Variants in FURIN observed in about 807,000 individuals in gnomAD.
The protein encoded by FURIN is FES upstream region.
A neutral mutation model predicts 89.2 loss-of-function variants in FURIN; 18 were observed. That is an observed-to-expected ratio of 0.20 (90% CI 0.14 to 0.30). The LOEUF is 0.30. FURIN is among the 10% of genes least tolerant of loss of function. The pLI, the probability that FURIN is intolerant of heterozygous loss-of-function variation, is 1.00. For synonymous variants in FURIN, 508 were observed against 466.4 expected, an observed-to-expected ratio of 1.09 and a Z score of -1.15; for missense variants, 879 against 1,100.5, an observed-to-expected ratio of 0.80 and a Z score of 2.85.
chr15:90,881,265 C>T lies in FURIN; in HGVS notation c.1793-21C>T, dbSNP rs752459333. The T allele has an allele frequency of 5.8e-6, 9 of 1,549,696 alleles. No individual in the cohort carries two copies. The South Asian group carries it at 5.8e-5, about 10-fold the overall frequency. On this transcript the variant is annotated intron_variant, in intron 15 of 15. Coordinates refer to ENST00000268171, the MANE Select transcript of FURIN (RefSeq NM_002569.4). The surrounding 1 kb of genome is among the most constrained non-coding windows in gnomAD (Gnocchi z 4.3). ...AGTCTGTTTAGCTGACACACACTTGCCCTCTCTCCCACGCCGGCAGTGTGC... is the reference window on the plus strand; with the variant it reads ...AGTCTGTTTAGCTGACACACACTTGTCCTCTCTCCCACGCCGGCAGTGTGC...
intron 1 of FURIN, among the ~76,000 whole-genome samples, chr15:90,875,307 G>T (rs1388294576): frequency 2.6e-5 from 4 of 152,104 alleles, no homozygotes; most frequent in African/African-American, 9.7e-5. Context: ...AGTGCTGGAT[G>T]ACAGAAGTGA....
Position 90,882,102 on chromosome 15 carries a change from G to A in FURIN, c.*224G>A. 1 of 542,624 alleles carries A rather than the reference G, an allele frequency of 1.8e-6. No homozygotes were observed. The highest frequency in any genetic ancestry group is 3.3e-6 in the Non-Finnish European group (1 of 305,614). The allele number at this position is 542,624 out of a possible 1,614,324, so 33.6% of individuals were successfully genotyped here. ...ACCCCACCCTCAGCACCCCTTCCAT[G>A]TGGAGAAAGGAGTGAAACCTTTAGG... On this transcript the variant is annotated 3_prime_UTR_variant, in exon 16 of 16. Coordinates refer to ENST00000268171, the MANE Select transcript of FURIN (RefSeq NM_002569.4).
chr15:90,869,125 T>C (rs79643085), intron 1 of FURIN, among the ~76,000 whole-genome samples: 18 of 152,266 alleles, frequency 1.2e-4, no homozygotes, highest in African/African-American at 3.4e-4. Context: ...AGCTGGACTC[T>C]TCCTCCCAGA....
At chr15:90,877,239 C>T (rs756761268) in intron 6 of FURIN, 28 bp downstream of exon 6, 2 of 1,516,430 alleles carry the variant, frequency 1.3e-6, no homozygotes, top group South Asian at 2.4e-5. Flanking sequence ...CCGGTCTCTG[C>T]CTCCCTTCTC....
chr15:90,879,394 C>T (rs1235144869), intron 9 of FURIN, 50 bp from the exon 10 acceptor site: 2 of 1,346,590 alleles, frequency 1.5e-6, no homozygotes, highest in East Asian at 4.6e-5. Context: ...GGTGGCTCCT[C>T]TAGCCCCCTC....
At chr15:90,875,062 A>G (rs942536533) in intron 1 of FURIN, among the ~76,000 whole-genome samples, 1 of 121,202 alleles carries the variant, frequency 8.3e-6, no homozygotes, top group African/African-American at 3.4e-5. Flanking sequence ...GAGAGGGAGT[A>G]TCGTTCTGTC....
rs1465581117 is a variant in FURIN, at chr15:90,876,004, T to C, written c.177+87T>C. ...AGCAGGAGCTGTTGGCCTTGTTTGC[T>C]CAGGGGCATCTGGGTAGCCGGCATG... On this transcript the variant is annotated intron_variant, in intron 2 of 15. Transcript: ENST00000268171. The surrounding 1 kb of genome is among the most constrained non-coding windows in gnomAD (Gnocchi z 5.0). 7.6e-6 allele frequency: 9 copies of C among 1,188,518 alleles called. No individual in the cohort carries two copies. Among genetic ancestry groups the C allele is most frequent in the Non-Finnish European group, 7.0e-6 (6 of 855,482 alleles). 73.6% of individuals were successfully genotyped at this position (1,188,518 alleles called of 1,614,324 possible).
rs181375223 is a variant in FURIN, at chr15:90,874,420, G to A, written c.-159-1162G>A. Among the ~76,000 whole-genome samples the A allele has an allele frequency of 6.0e-4, 92 of 152,358 alleles. 1 individual carries two copies. Among genetic ancestry groups the A allele is most frequent in the Admixed American group, 5.6e-3 (86 of 15,308 alleles). On this transcript the variant is annotated intron_variant, in intron 1 of 15. Transcript: ENST00000268171. ...AGGCCCAGGCAGGGCAGGGCTTGGC[G>A]GCCCCAGCGTTCCCCAGGAAACTGT...
At position 90,880,237 on chromosome 15, in the gene FURIN, G is replaced by C; in HGVS notation, c.1520G>C (p.Ser507Thr). 1 of 1,610,994 alleles carries C rather than the reference G, an allele frequency of 6.2e-7. No homozygotes were observed. The highest frequency in any genetic ancestry group is 8.5e-7 in the Non-Finnish European group (1 of 1,178,710). ...RRGDLAIHLV[S>T]PMGTRSTLLA... ...GGCGACCTGGCCATCCACCTGGTCA[G>C]CCCCATGGGCACCCGCTCCACCCTG... The change falls in exon 13 of 16, where the codon AGC becomes ACC. Residue 507 changes from serine to threonine, a missense_variant. Transcript: ENST00000268171.
At chr15:90,877,637 CCT>C in intron 7 of FURIN, 22 bp downstream of exon 7, 1 of 1,512,602 alleles carries the variant, frequency 6.6e-7, no homozygotes, top group East Asian at 2.5e-5. Flanking sequence ...CCTGGGCCAC[CCT>C]GTCTTCAGGA....
chr15:90,876,616 G>T lies in FURIN; in HGVS notation c.372+59G>T. On this transcript the variant is annotated intron_variant, in intron 4 of 15. Transcript: ENST00000268171. The surrounding 1 kb of genome is among the most constrained non-coding windows in gnomAD (Gnocchi z 5.0). Reference sequence around the variant, plus strand: ...CCCAGATGCACCATCCACCCACTATGAGCTCTTGGATGGAGGAGGCTGTCT... The same window carrying T: ...CCCAGATGCACCATCCACCCACTATTAGCTCTTGGATGGAGGAGGCTGTCT... The T allele has an allele frequency of 8.9e-7, 1 of 1,126,092 alleles. No homozygotes were observed. Among genetic ancestry groups the T allele is most frequent in the South Asian group, 1.3e-5 (1 of 79,622 alleles). The allele number at this position is 1,126,092 out of a possible 1,614,324, so 69.8% of individuals were successfully genotyped here. A position where few individuals can be genotyped will look rare whatever the true frequency, so the allele number is the denominator to read the frequency against.
intron 13 of FURIN, 112 bp downstream of exon 13, chr15:90,880,385 G>T: frequency 2.3e-6 from 2 of 859,824 alleles, no homozygotes; most frequent in Non-Finnish European, 3.5e-6. Flanking sequence ...ACTCAGTGGG[G>T]CACTCTTGGC....
rs772172985 is a variant in FURIN at position 90,879,785 on chromosome 15, G to C, written c.1258+11G>C. 3.8e-5 allele frequency: 62 copies of C among 1,611,810 alleles called. No homozygotes were observed. The highest frequency in any genetic ancestry group is 5.3e-5 in the Non-Finnish European group (62 of 1,178,464). On this transcript the variant is annotated intron_variant, in intron 11 of 15. Transcript: ENST00000268171. The stretch of plus-strand genomic sequence containing the variant: ...GTGTGGGCCGGAAAGGTGAGGGCAG[G>C]CTGGCCCGGCAGGCTGGATGTGGAG...
chr15:90,881,528 A>G lies in FURIN; in HGVS notation c.2035A>G (p.Ser679Gly). 6.2e-7 allele frequency: 1 copy of G among 1,611,430 alleles called. No homozygotes were observed. Among genetic ancestry groups the G allele is most frequent in the Non-Finnish European group, 8.5e-7 (1 of 1,179,556 alleles). ...TGTGGAGCAGACTTGCTCCCGGCAAAGCCAGAGCAGCCGAGAGTCCCCGCC... is the reference window on the plus strand; with the variant it reads ...TGTGGAGCAGACTTGCTCCCGGCAAGGCCAGAGCAGCCGAGAGTCCCCGCC... ...DPVEQTCSRQ[S>G]QSSRESPPQQ... The change falls in exon 16 of 16, where the codon AGC (serine) becomes GGC (glycine). Residue 679 changes from serine to glycine, a missense_variant. Ser to Gly is a moderately conservative substitution (Grantham distance 56). This residue lies in a region of FURIN where 457 missense variants were observed against 490.7 expected (regional missense o/e 0.93). Transcript: ENST00000268171. This position sits in a 1 kb window ranked among gnomAD's most constrained non-coding sequence, Gnocchi z 4.3.
In FURIN at chr15:90,880,831, G is replaced by C. The variant is rs1239716233; in HGVS notation, c.1681+16G>C. 6.2e-7 allele frequency: 1 copy of C among 1,612,318 alleles called. No individual in the cohort carries two copies. Among genetic ancestry groups the C allele is most frequent in the Admixed American group, 1.7e-5 (1 of 59,930 alleles). On this transcript the variant is annotated intron_variant, in intron 14 of 15. Transcript: ENST00000268171. ...AACAACTATGGTACTGGGGGCACTT[G>C]AGGGGTAGGGGTACGAGGTGGAGGG...
Position 90,877,530 on chromosome 15 carries a change from C to T in FURIN, c.582C>T (p.His194=), listed in dbSNP as rs141700126. ...PRYTQMNDNR[H]GTRCAGEVAA... ...GCTACGTGCTTGGCCCTGGCAGGCA[C>T]GGCACACGGTGTGCGGGGGAAGTGG... The change falls in exon 7 of 16, where the codon CAC becomes CAT. Residue 194 remains histidine (H), a synonymous_variant. Coordinates refer to ENST00000268171, the MANE Select transcript of FURIN (RefSeq NM_002569.4). The T allele has an allele frequency of 3.1e-5, 48 of 1,570,078 alleles. No homozygotes were observed. The highest frequency in any genetic ancestry group is 1.1e-4 in the African/African-American group (8 of 74,120).
rs2031662859 is a variant in FURIN at position 90,876,910 on chromosome 15, G to T, written c.387G>T (p.Gln129His). Reference sequence around the variant, plus strand: ...TGTCTCCACAGTCTGGTGTCACTCAGCGGGACCTGAATGTGAAGGCGGCCT... The same window carrying T: ...TGTCTCCACAGTCTGGTGTCACTCATCGGGACCTGAATGTGAAGGCGGCCT... ...PQQWYLSGVT[Q>H]RDLNVKAAWA... Residue 129 changes from glutamine to histidine, a missense_variant, in exon 5 of 16, where the codon CAG becomes CAT. Physicochemically the swap from Gln to His is conservative, Grantham distance 24. Coordinates refer to ENST00000268171, the MANE Select transcript of FURIN (RefSeq NM_002569.4). This position sits in a 1 kb window ranked among gnomAD's most constrained non-coding sequence, Gnocchi z 5.0. The T allele has an allele frequency of 5.6e-6, 9 of 1,614,176 alleles. No individual in the cohort carries two copies. Among genetic ancestry groups the T allele is most frequent in the Non-Finnish European group, 7.6e-6 (9 of 1,180,006 alleles).
In FURIN at chr15:90,882,076, T is replaced by A. The variant is rs943473296; in HGVS notation, c.*198T>A. On this transcript the variant is annotated 3_prime_UTR_variant, in exon 16 of 16. Coordinates refer to ENST00000268171, the MANE Select transcript of FURIN (RefSeq NM_002569.4). ...ACCAGCTGGGGCGTGGGGAGGGCCG[T>A]ACCCCACCCTCAGCACCCCTTCCAT... 3 of 568,472 alleles carry A rather than the reference T, an allele frequency of 5.3e-6. No homozygotes were observed. Among genetic ancestry groups the A allele is most frequent in the Admixed American group, 6.7e-5 (2 of 29,776 alleles). 35.2% of individuals were successfully genotyped at this position (568,472 alleles called of 1,614,324 possible).
intron 1 of FURIN, among the ~76,000 whole-genome samples, chr15:90,871,283 C>T (rs1165849833): frequency 6.6e-6 from 1 of 152,152 alleles, no homozygotes; most frequent in Non-Finnish European, 1.5e-5. Flanking sequence ...TTCGGGTCTC[C>T]GCGGCCGTCT....
Sources: allele counts gnomAD v4.1 joint callset (sites outside exome capture counted in the v4.1 genomes callset), GRCh38; gene constraint gnomAD v4.1.1; regional missense constraint gnomAD v4.1.1; non-coding constraint Gnocchi (gnomAD v3.1); transcripts MANE v1.5; gene names NCBI Gene and HGNC (gene_info 2026-07-23, HGNC 2026-07-21).